The following COL24A1 variants were observed in gnomAD, a reference collection of about 807,000 sequenced individuals.
COL24A1 encodes the protein collagen type XXIV alpha 1 chain.
COL24A1 carries 224 observed loss-of-function variants against 253.9 expected under a neutral mutation model. The ratio of observed to expected loss-of-function variants is 0.88; its 90% CI spans 0.79 to 0.99. COL24A1 has a LOEUF of 0.99. Ranked by LOEUF, COL24A1 falls within the 50% of genes least tolerant of loss-of-function variation. The pLI, the probability that COL24A1 is intolerant of heterozygous loss-of-function variation, is 0.00. For synonymous variants in COL24A1, 685 were observed against 673.7 expected (o/e 1.02, Z -0.26); for missense variants, 2,131 against 2,068.5 (o/e 1.03, Z -0.59).
intron 57 of COL24A1, among the ~76,000 whole-genome samples, chr1:85,743,414 A>G (rs1415994344): frequency 6.6e-6 from 1 of 152,096 alleles, no homozygotes; most frequent in African/African-American, 2.4e-5. Context: ...CCCAAGTGTC[A>G]CATTCTCATA....
chr1:85,910,292 A>G (rs1008428551), intron 25 of COL24A1, among the ~76,000 whole-genome samples: 3 of 151,990 alleles, frequency 2.0e-5, no homozygotes, highest in Non-Finnish European at 4.4e-5. Context: ...GTGAGCACAC[A>G]TCATATGTTA....
intron 24 of COL24A1, among the ~76,000 whole-genome samples, chr1:85,913,581 C>A (rs976949147): frequency 6.6e-6 from 1 of 152,134 alleles, no homozygotes; most frequent in African/African-American, 2.4e-5. Flanking sequence ...GTTAAGACTG[C>A]CATCCGGCCA....
chr1:86,016,255 C>A (rs928971351), intron 19 of COL24A1, among the ~76,000 whole-genome samples: 3 of 152,010 alleles, frequency 2.0e-5, no homozygotes, highest in African/African-American at 4.8e-5. Flanking sequence ...AATCAGCCAA[C>A]CTTGAAGGAC....
intron 43 of COL24A1, 24 bp from the exon 44 acceptor site, chr1:85,823,762 A>C (rs1673908667): frequency 6.2e-7 from 1 of 1,607,074 alleles, no homozygotes; most frequent in South Asian, 1.1e-5. Context: ...AGATTACATT[A>C]TTAGAGTAAG....
chr1:85,958,317 C>T (rs902797298), intron 24 of COL24A1, among the ~76,000 whole-genome samples: 1 of 152,046 alleles, frequency 6.6e-6, no homozygotes, highest in African/African-American at 2.4e-5. Flanking sequence ...CTCAAAACAG[C>T]CTTCTCTCAT....
At chr1:86,135,351 T>C (rs1650055844) in intron 2 of COL24A1, among the ~76,000 whole-genome samples, 1 of 152,180 alleles carries the variant, frequency 6.6e-6, no homozygotes, top group African/African-American at 2.4e-5. Context: ...CCATTTACAC[T>C]TAAGATTAAT....
chr1:85,758,829 A>T (rs940792283), intron 55 of COL24A1, among the ~76,000 whole-genome samples: 3 of 152,152 alleles, frequency 2.0e-5, no homozygotes, highest in Admixed American at 6.5e-5. Flanking sequence ...AAATTGAGGT[A>T]AAATTTATAT....
At chr1:86,039,864 G>A (rs1699321066) in intron 12 of COL24A1, among the ~76,000 whole-genome samples, 1 of 152,152 alleles carries the variant, frequency 6.6e-6, no homozygotes, top group Non-Finnish European at 1.5e-5. Context: ...ATTCTGTGAT[G>A]ATCTAATCTT....
chr1:85,933,479 C>T (rs1687986034), intron 24 of COL24A1, among the ~76,000 whole-genome samples: 1 of 152,120 alleles, frequency 6.6e-6, no homozygotes, highest in African/African-American at 2.4e-5. Context: ...AGACTATTTC[C>T]TAGCCAGCTC....
chr1:86,070,952 G>T (rs145633246), intron 7 of COL24A1, among the ~76,000 whole-genome samples: 1 of 152,238 alleles, frequency 6.6e-6, no homozygotes, highest in Non-Finnish European at 1.5e-5. Flanking sequence ...ATATAGCACT[G>T]TAATGGTGGT....
intron 47 of COL24A1, among the ~76,000 whole-genome samples, chr1:85,787,420 T>C (rs1669799871): frequency 1.3e-5 from 2 of 152,170 alleles, no homozygotes; most frequent in Admixed American, 6.5e-5. Flanking sequence ...CCTGTGTCCA[T>C]GTGTTCACAT....
chr1:86,069,367 C>G (rs944480364), intron 7 of COL24A1, among the ~76,000 whole-genome samples: 1 of 152,160 alleles, frequency 6.6e-6, no homozygotes, highest in Non-Finnish European at 1.5e-5. Flanking sequence ...AAGGACTCAT[C>G]TGCCTGGGGA....
intron 20 of COL24A1, among the ~76,000 whole-genome samples, chr1:85,974,339 T>A (rs146144479): frequency 1.6e-4 from 25 of 152,290 alleles, no homozygotes; most frequent in African/African-American, 5.8e-4. Context: ...TATGTGTTTA[T>A]CAGCAGTAGT....
intron 2 of COL24A1, among the ~76,000 whole-genome samples, chr1:86,140,151 C>T (rs898152596): frequency 1.3e-5 from 2 of 152,156 alleles, no homozygotes; most frequent in African/African-American, 2.4e-5. Flanking sequence ...TTTATCCACA[C>T]GACAGCCTTG....
intron 5 of COL24A1, among the ~76,000 whole-genome samples, chr1:86,109,305 A>T (rs999099550): frequency 8.3e-6 from 1 of 120,602 alleles, no homozygotes; most frequent in Non-Finnish European, 1.7e-5. Context: ...ACTCAAAAAA[A>T]TTTTCAACAC....
At chr1:85,866,488 T>G (rs1679810251) in intron 37 of COL24A1, among the ~76,000 whole-genome samples, 1 of 152,008 alleles carries the variant, frequency 6.6e-6, no homozygotes, top group Admixed American at 6.6e-5. Flanking sequence ...AAGATAATTT[T>G]GGGAGCTGGG....
chr1:85,737,187 A>T (rs1319889199), intron 58 of COL24A1, among the ~76,000 whole-genome samples: 1 of 152,236 alleles, frequency 6.6e-6, no homozygotes, highest in East Asian at 1.9e-4. Context: ...AACTAAGCCA[A>T]ATAATAAAAA....
intron 37 of COL24A1, among the ~76,000 whole-genome samples, chr1:85,858,621 C>CTCCCTCCTTCCTTCCTTCTT (rs1347863094): frequency 8.8e-6 from 1 of 113,270 alleles, no homozygotes; most frequent in Non-Finnish European, 1.9e-5. Flanking sequence ...TATTTTCTCC[C>CTCCCTCCTTCCTTCCTTCTT]TCCTTCCTTC....
chr1:85,792,731 A>C (rs761375526), intron 47 of COL24A1, among the ~76,000 whole-genome samples: 1 of 151,902 alleles, frequency 6.6e-6, no homozygotes, highest in Non-Finnish European at 1.5e-5. Context: ...TAAATTAATA[A>C]GAAAAAGAAA....
Sources: gnomAD v4.1 joint callset for allele counts (sites outside exome capture counted in the v4.1 genomes callset) on GRCh38, gnomAD v4.1.1 for gene constraint, MANE v1.5 for transcripts, NCBI Gene and HGNC (gene_info 2026-07-23, HGNC 2026-07-21) for gene names.